DNAH3: variants seen among roughly 807,000 people sequenced by gnomAD.
DNAH3 encodes dynein axonemal heavy chain 3.
A neutral mutation model predicts 432.5 loss-of-function variants in DNAH3; 332 were observed. That is an observed-to-expected ratio of 0.77 (90% CI 0.70 to 0.84). DNAH3 has a LOEUF of 0.84. Ranked by LOEUF, DNAH3 falls within the 40% of genes least tolerant of loss-of-function variation. The pLI is 0.00. For missense variants in DNAH3, 4,861 were observed against 5,114.0 expected, an observed-to-expected ratio of 0.95 and a Z score of 1.51; for synonymous variants, 1,956 against 1,900.2, an observed-to-expected ratio of 1.03 and a Z score of -0.76.
intron 21 of DNAH3, among the ~76,000 whole-genome samples, chr16:21,071,278 G>C (rs550463190): frequency 6.6e-5 from 10 of 152,178 alleles, no homozygotes; most frequent in African/African-American, 2.4e-4. Context: ...CTGACCTCAG[G>C]TGATCCACCC....
chr16:21,144,398 G>A (rs2092756476), intron 3 of DNAH3, among the ~76,000 whole-genome samples: 1 of 152,206 alleles, frequency 6.6e-6, no homozygotes, highest in African/African-American at 2.4e-5. Flanking sequence ...CTAAGGGAGA[G>A]ACCCGTGTGG....
intron 50 of DNAH3, among the ~76,000 whole-genome samples, chr16:20,978,440 G>C (rs1056325340): frequency 1.3e-5 from 2 of 152,116 alleles, no homozygotes; most frequent in Non-Finnish European, 2.9e-5. Context: ...GAGACAGGAG[G>C]ATCACTTGAA....
At chr16:21,038,092 C>A in intron 33 of DNAH3, 112 bp from the exon 34 acceptor site, 1 of 836,614 alleles carries the variant, frequency 1.2e-6, no homozygotes, top group South Asian at 1.6e-5. Flanking sequence ...TGCCCATGGA[C>A]TTGATGGAGA....
At chr16:21,042,128 T>C (rs771336284) in exon 32 of DNAH3, 1 of 1,613,466 alleles carries the variant, frequency 6.2e-7, no homozygotes, top group Admixed American at 1.7e-5. Context: ...CCTTCAAAGA[T>C]GAATGTCTTT....
At chr16:21,035,460 G>T (rs985743054) in intron 35 of DNAH3, among the ~76,000 whole-genome samples, 1 of 152,134 alleles carries the variant, frequency 6.6e-6, no homozygotes, top group Non-Finnish European at 1.5e-5. Flanking sequence ...CCTTGTTTTT[G>T]TAAATTGGTA....
At chr16:20,960,379 T>C (rs2084763707) in intron 53 of DNAH3, among the ~76,000 whole-genome samples, 1 of 152,138 alleles carries the variant, frequency 6.6e-6, no homozygotes, top group Admixed American at 6.5e-5. Flanking sequence ...GTGCCGTACC[T>C]TCATGTTATG....
chr16:21,010,504 C>A (rs772108040), intron 41 of DNAH3, among the ~76,000 whole-genome samples: 4 of 152,188 alleles, frequency 2.6e-5, no homozygotes, highest in African/African-American at 7.2e-5. Flanking sequence ...AGGTCCATGT[C>A]AAACAATGTG....
chr16:21,100,951 T>A (rs1470053613), intron 16 of DNAH3, among the ~76,000 whole-genome samples: 1 of 152,232 alleles, frequency 6.6e-6, no homozygotes, highest in African/African-American at 2.4e-5. Flanking sequence ...TAATTTCTTA[T>A]AATTGCTAAG....
chr16:21,058,516 T>C (rs2090217339), intron 26 of DNAH3, among the ~76,000 whole-genome samples: 2 of 152,212 alleles, frequency 1.3e-5, no homozygotes, highest in African/African-American at 4.8e-5. Context: ...AATGGCTACA[T>C]AATATTGCAG....
chr16:21,153,590 C>T (rs540215248), intron 1 of DNAH3, among the ~76,000 whole-genome samples: 7 of 152,282 alleles, frequency 4.6e-5, no homozygotes, highest in South Asian at 2.1e-4. Context: ...AAGGTTTGTT[C>T]TTTCACTGTT....
At chr16:21,054,359 A>G in intron 28 of DNAH3, 61 bp downstream of exon 28, 1 of 1,281,058 alleles carries the variant, frequency 7.8e-7, no homozygotes, top group Non-Finnish European at 1.1e-6. Flanking sequence ...AACTGAGATG[A>G]GCAAGACTAG....
intron 33 of DNAH3, among the ~76,000 whole-genome samples, chr16:21,038,352 A>C (rs1001716984): frequency 3.9e-5 from 6 of 152,098 alleles, no homozygotes; most frequent in Non-Finnish European, 8.8e-5. Flanking sequence ...CTATCTCTAC[A>C]GAAAAATTAA....
At chr16:21,056,547 G>C (rs898483252) in intron 27 of DNAH3, among the ~76,000 whole-genome samples, 8 of 152,114 alleles carry the variant, frequency 5.3e-5, no homozygotes, top group Non-Finnish European at 8.8e-5. Flanking sequence ...TGAGGAGAGG[G>C]ACTATGTCTG....
chr16:20,948,494 C>T (rs1251920366), exon 57 of DNAH3: 2 of 1,613,608 alleles, frequency 1.2e-6, no homozygotes. Flanking sequence ...TGGTAGGAGC[C>T]ATGAGGAGGG....
chr16:20,992,110 T>C (rs2086583184), intron 44 of DNAH3, among the ~76,000 whole-genome samples: 1 of 152,214 alleles, frequency 6.6e-6, no homozygotes, highest in Non-Finnish European at 1.5e-5. Context: ...TCCTTATCAT[T>C]TTCTGTAGGT....
chr16:20,964,386 C>T, exon 53 of DNAH3: 2 of 1,614,058 alleles, frequency 1.2e-6, no homozygotes, highest in Non-Finnish European at 1.7e-6. Flanking sequence ...ACTTAAAATC[C>T]CTGGAATATT....
chr16:21,054,206 T>G (rs1340750244), intron 28 of DNAH3, among the ~76,000 whole-genome samples: 1 of 152,174 alleles, frequency 6.6e-6, no homozygotes, highest in Non-Finnish European at 1.5e-5. Flanking sequence ...AAGCCCTGCT[T>G]GGAGGGTCCC....
intron 55 of DNAH3, among the ~76,000 whole-genome samples, chr16:20,952,947 C>T (rs1054049111): frequency 3.9e-5 from 6 of 152,196 alleles, no homozygotes; most frequent in South Asian, 2.1e-4. Flanking sequence ...TTCCCCTCCT[C>T]GAGCTCACGG....
At chr16:21,153,304 G>A (rs1397976366) in intron 1 of DNAH3, among the ~76,000 whole-genome samples, 3 of 151,984 alleles carry the variant, frequency 2.0e-5, no homozygotes, top group Non-Finnish European at 4.4e-5. Flanking sequence ...TCTAGCTCAG[G>A]GTCTGTGAAT....
Sources: gnomAD v4.1 joint callset for allele counts (sites outside exome capture counted in the v4.1 genomes callset) on GRCh38, gnomAD v4.1.1 for gene constraint, MANE v1.5 for transcripts, NCBI Gene and HGNC (gene_info 2026-07-23, HGNC 2026-07-21) for gene names.